The following CTNNA2 variants were observed in gnomAD, a reference collection of about 807,000 sequenced individuals.
The protein encoded by CTNNA2 is catenin alpha-2.
CTNNA2 carries 42 observed loss-of-function variants against 101.0 expected under a neutral mutation model. The observed-to-expected ratio is 0.42, with a 90% CI of 0.32 to 0.54. CTNNA2 has a LOEUF of 0.54. Among genes scored for constraint, CTNNA2 ranks in the 20% least tolerant of loss-of-function variants. The pLI, the probability that CTNNA2 is intolerant of heterozygous loss-of-function variation, is 0.14. For synonymous variants in CTNNA2, 450 were observed against 456.4 expected (o/e 0.99, Z 0.18); for missense variants, 871 against 1,223.1 (o/e 0.71, Z 4.29).
intron 7 of CTNNA2, among the ~76,000 whole-genome samples, chr2:80,255,177 G>C (rs1411469617): frequency 1.3e-5 from 2 of 152,086 alleles, no homozygotes; most frequent in Non-Finnish European, 2.9e-5. Context: ...TCCTTTCATG[G>C]TTAGCAGAAA....
At chr2:80,197,681 C>T (rs939409371) in intron 7 of CTNNA2, among the ~76,000 whole-genome samples, 1 of 152,134 alleles carries the variant, frequency 6.6e-6, no homozygotes, top group Non-Finnish European at 1.5e-5. Flanking sequence ...TCACCAAGTG[C>T]CAACCTGACC....
chr2:79,608,679 A>G (rs1462050938), intron 1 of CTNNA2, among the ~76,000 whole-genome samples: 1 of 152,130 alleles, frequency 6.6e-6, no homozygotes, highest in Non-Finnish European at 1.5e-5. Context: ...TTAGTGGAAC[A>G]GCAAAAAGCA....
At chr2:80,614,526 C>G (rs1488050989) in intron 17 of CTNNA2, among the ~76,000 whole-genome samples, 3 of 151,148 alleles carry the variant, frequency 2.0e-5, no homozygotes, top group African/African-American at 7.3e-5. Flanking sequence ...CCATGGATAC[C>G]AAGGGATGAC....
At chr2:80,588,577 T>A (rs1480871248) in intron 14 of CTNNA2, among the ~76,000 whole-genome samples, 1 of 152,230 alleles carries the variant, frequency 6.6e-6, no homozygotes, top group Non-Finnish European at 1.5e-5. Flanking sequence ...ACTGCAGTTC[T>A]CCTTTTTCTA....
At chr2:80,317,356 C>T (rs553902243) in intron 7 of CTNNA2, among the ~76,000 whole-genome samples, 2 of 152,230 alleles carry the variant, frequency 1.3e-5, no homozygotes, top group East Asian at 3.9e-4. Flanking sequence ...ATTTATTCAT[C>T]AAAATTCTGT....
At chr2:80,214,202 G>A (rs1200091305) in intron 7 of CTNNA2, among the ~76,000 whole-genome samples, 4 of 152,204 alleles carry the variant, frequency 2.6e-5, no homozygotes, top group Non-Finnish European at 5.9e-5. Flanking sequence ...GGAGCATTTA[G>A]CCCATTTACA....
intron 7 of CTNNA2, among the ~76,000 whole-genome samples, chr2:79,962,306 T>C (rs1426475130): frequency 6.6e-6 from 1 of 152,246 alleles, no homozygotes; most frequent in Non-Finnish European, 1.5e-5. Context: ...TCTCACACAA[T>C]GGAAGGGCAA....
chr2:80,606,100 T>C (rs1171629350), intron 16 of CTNNA2, among the ~76,000 whole-genome samples: 2 of 151,582 alleles, frequency 1.3e-5, no homozygotes, highest in South Asian at 2.1e-4. Context: ...TTGAGAAGAG[T>C]TGGGACGTGT....
intron 3 of CTNNA2, among the ~76,000 whole-genome samples, chr2:79,364,695 C>G (rs1558646916): frequency 6.6e-6 from 1 of 152,004 alleles, no homozygotes; most frequent in Non-Finnish European, 1.5e-5. Flanking sequence ...TTCACTGAAG[C>G]CTAGAGAAGA....
Position 79,769,090 on chromosome 2 carries a change from C to T in CTNNA2, c.298+24508C>T, listed in dbSNP as rs112293686. On this transcript the variant is annotated intron_variant, in intron 3 of 18. Coordinates refer to ENST00000402739, the MANE Select transcript of CTNNA2 (RefSeq NM_001282597.3). ...CAGGATGGTCTCGATCTCCTGACCTCGTGATCCGCCCGGCTCGGCCTCCCA... is the reference window on the plus strand; with the variant it reads ...CAGGATGGTCTCGATCTCCTGACCTTGTGATCCGCCCGGCTCGGCCTCCCA... Among the ~76,000 whole-genome samples, 67 of 152,202 alleles carry T rather than the reference C, an allele frequency of 4.4e-4. 1 individual carries two copies. Among genetic ancestry groups the T allele is most frequent in the African/African-American group, 1.6e-3 (66 of 41,524 alleles).
intron 7 of CTNNA2, among the ~76,000 whole-genome samples, chr2:80,232,868 A>G (rs1392911280): frequency 2.6e-5 from 4 of 152,148 alleles, no homozygotes; most frequent in Admixed American, 2.0e-4. Context: ...CTTACACATG[A>G]TGCAATCAAA....
intron 7 of CTNNA2, among the ~76,000 whole-genome samples, chr2:80,379,959 G>A (rs1676339785): frequency 6.6e-6 from 1 of 151,034 alleles, no homozygotes; most frequent in Admixed American, 6.6e-5. Context: ...GCAGCACCCT[G>A]AGGACCTAAG....
intron 2 of CTNNA2, among the ~76,000 whole-genome samples, chr2:79,274,065 G>A (rs573520873): frequency 2.0e-5 from 3 of 152,108 alleles, no homozygotes; most frequent in South Asian, 2.1e-4. Context: ...TCTGGAAATT[G>A]CTAATATTTC....
intron 7 of CTNNA2, among the ~76,000 whole-genome samples, chr2:80,283,812 T>G (rs1674558913): frequency 6.7e-6 from 1 of 149,296 alleles, no homozygotes; most frequent in African/African-American, 2.5e-5. Flanking sequence ...ATACAGGGAG[T>G]GGAAGAATGG....
At chr2:79,698,558 A>G (rs957947975) in intron 2 of CTNNA2, among the ~76,000 whole-genome samples, 3 of 152,096 alleles carry the variant, frequency 2.0e-5, no homozygotes, top group Non-Finnish European at 4.4e-5. Flanking sequence ...TGCCTATTAC[A>G]ATGGTTAAAC....
At chr2:80,523,559 A>G (rs575399952) in intron 9 of CTNNA2, among the ~76,000 whole-genome samples, 1 of 152,292 alleles carries the variant, frequency 6.6e-6, no homozygotes, top group African/African-American at 2.4e-5. Context: ...TATTTATGCC[A>G]CCATGGGGTC....
At chr2:79,875,940 C>T (rs984908633) in intron 6 of CTNNA2, among the ~76,000 whole-genome samples, 11 of 151,668 alleles carry the variant, frequency 7.3e-5, no homozygotes, top group African/African-American at 2.2e-4. Context: ...AGTAGAATAA[C>T]GAGGAGATAT....
chr2:79,887,334 A>G (rs1432466106), intron 6 of CTNNA2, among the ~76,000 whole-genome samples: 2 of 152,234 alleles, frequency 1.3e-5, no homozygotes, highest in Non-Finnish European at 2.9e-5. Flanking sequence ...TTTTATTTCC[A>G]TATATTGAAA....
chr2:79,856,889 T>G (rs527315972), intron 3 of CTNNA2, among the ~76,000 whole-genome samples: 3 of 152,326 alleles, frequency 2.0e-5, no homozygotes, highest in African/African-American at 7.2e-5. Context: ...TTTACCCTAT[T>G]AACTGACTTC....
Sources: gnomAD v4.1 joint callset for allele counts (sites outside exome capture counted in the v4.1 genomes callset) on GRCh38, gnomAD v4.1.1 for gene constraint, MANE v1.5 for transcripts, NCBI Gene and HGNC (gene_info 2026-07-23, HGNC 2026-07-21) for gene names.